The following VSTM4 variants were observed in gnomAD, a reference collection of about 807,000 sequenced individuals.
VSTM4 encodes V-set and transmembrane domain-containing protein 4.
A neutral mutation model predicts 36.4 loss-of-function variants in VSTM4; 20 were observed. The observed-to-expected ratio is 0.55, with a 90% CI of 0.39 to 0.80. The LOEUF is 0.80. VSTM4 is among the 30% of genes least tolerant of loss of function. The pLI is 0.00. For missense variants in VSTM4, 392 were observed against 404.5 expected, an observed-to-expected ratio of 0.97 and a Z score of 0.26; for synonymous variants, 182 against 173.9, an observed-to-expected ratio of 1.05 and a Z score of -0.37.
chr10:49,101,339 G>A lies in VSTM4; in HGVS notation c.457+6255C>T, dbSNP rs116411637. ...ACAGGAATAAAATTTTGTACCATAT[G>A]TAATAGCTAAAAAATTAATGATCAG... On this transcript the variant is annotated intron_variant, in intron 2 of 7. Transcript: ENST00000332853. Among the ~76,000 whole-genome samples the A allele has an allele frequency of 2.5e-3, 347 of 138,480 alleles. 1 individual carries two copies. Among genetic ancestry groups the A allele is most frequent in the African/African-American group, 8.7e-3 (321 of 36,968 alleles). 90.8% of individuals were successfully genotyped at this position (138,480 alleles called of 152,430 possible).
intron 2 of VSTM4, among the ~76,000 whole-genome samples, chr10:49,087,670 T>C (rs1383521942): frequency 6.6e-6 from 1 of 152,120 alleles, no homozygotes; most frequent in Non-Finnish European, 1.5e-5. Context: ...AATTTTTATC[T>C]CACTGTTAGA....
intron 7 of VSTM4, among the ~76,000 whole-genome samples, chr10:49,026,058 A>G (rs1418204728): frequency 2.0e-5 from 3 of 152,218 alleles, no homozygotes; most frequent in Non-Finnish European, 4.4e-5. Flanking sequence ...CTCCTTGCCC[A>G]GGGAAGCTAT....
intron 7 of VSTM4, among the ~76,000 whole-genome samples, chr10:49,041,274 TA>T (rs1403303284): frequency 6.6e-6 from 1 of 152,226 alleles, no homozygotes; most frequent in Non-Finnish European, 1.5e-5. Flanking sequence ...TGTGAATTGT[TA>T]TAGGTGTAAA....
intron 1 of VSTM4, among the ~76,000 whole-genome samples, chr10:49,111,224 G>T (rs771519309): frequency 7.9e-5 from 12 of 152,216 alleles, no homozygotes; most frequent in Non-Finnish European, 1.8e-4. Context: ...TGGCAAATGT[G>T]AGCCAGTTGG....
intron 4 of VSTM4, among the ~76,000 whole-genome samples, chr10:49,065,805 G>A (rs1337142470): frequency 1.3e-5 from 2 of 152,156 alleles, no homozygotes; most frequent in Non-Finnish European, 2.9e-5. Context: ...CATATGGGGT[G>A]ATCTGTTACG....
intron 2 of VSTM4, among the ~76,000 whole-genome samples, chr10:49,099,807 C>T (rs531511000): frequency 6.6e-6 from 1 of 152,312 alleles, no homozygotes; most frequent in South Asian, 2.1e-4. Context: ...GAGATTCTGT[C>T]CCTTTCATTC....
chr10:49,053,202 G>A (rs1034983148), intron 5 of VSTM4, among the ~76,000 whole-genome samples: 1 of 152,228 alleles, frequency 6.6e-6, no homozygotes, highest in African/African-American at 2.4e-5. Context: ...TTAGAGAGAA[G>A]TGCTATTTGT....
chr10:49,081,794 G>T (rs1844283164), intron 3 of VSTM4, among the ~76,000 whole-genome samples: 1 of 152,194 alleles, frequency 6.6e-6, no homozygotes, highest in Admixed American at 6.5e-5. Context: ...ACACACACAA[G>T]ACCGGTCATG....
chr10:49,105,843 A>G (rs768428423), intron 2 of VSTM4, among the ~76,000 whole-genome samples: 87 of 115,250 alleles, frequency 7.5e-4, no homozygotes, highest in Non-Finnish European at 1.3e-3. Flanking sequence ...GTGTGTGTGT[A>G]TATATATATA....
At chr10:49,098,638 T>A (rs530154249) in intron 2 of VSTM4, among the ~76,000 whole-genome samples, 1 of 152,352 alleles carries the variant, frequency 6.6e-6, no homozygotes, top group African/African-American at 2.4e-5. Flanking sequence ...TGGCATGAGC[T>A]GCAGTGCCTG....
rs1356203572 is a variant in VSTM4, at chr10:49,085,952, T to C, written c.526+3A>G. On this transcript the variant is annotated splice_donor_region_variant and intron_variant, in intron 3 of 7. Transcript: ENST00000332853. ...ATAAAAAAAAGAAATATACAAGCTT[T>C]ACCTTCAAAAAATGCCCAAGTCTCT... 1.9e-6 allele frequency: 3 copies of C among 1,576,720 alleles called. No homozygotes were observed. In the Admixed American group the frequency reaches 5.5e-5, roughly 29 times the overall value.
chr10:49,090,688 C>T (rs1024970419), intron 2 of VSTM4, among the ~76,000 whole-genome samples: 3 of 152,210 alleles, frequency 2.0e-5, no homozygotes, highest in African/African-American at 7.2e-5. Flanking sequence ...ACCACAGCCC[C>T]CCTCTGGGTG....
At chr10:49,042,594 C>T (rs1008553598) in intron 7 of VSTM4, among the ~76,000 whole-genome samples, 7 of 152,240 alleles carry the variant, frequency 4.6e-5, no homozygotes, top group Admixed American at 6.5e-5. Context: ...AGCTGTGTGA[C>T]CTTGGGTACA....
chr10:49,106,738 G>A (rs1418580958), intron 2 of VSTM4, among the ~76,000 whole-genome samples: 1 of 152,222 alleles, frequency 6.6e-6, no homozygotes, highest in Admixed American at 6.5e-5. Flanking sequence ...ACCTGGGTGG[G>A]AGGCTGAGCA....
At chr10:49,062,809 G>A (rs1208071508) in intron 5 of VSTM4, among the ~76,000 whole-genome samples, 1 of 151,940 alleles carries the variant, frequency 6.6e-6, no homozygotes, top group Non-Finnish European at 1.5e-5. Flanking sequence ...TTTTCTCTCT[G>A]TTGTTCAGAT....
intron 4 of VSTM4, among the ~76,000 whole-genome samples, chr10:49,067,236 A>C (rs1564580736): frequency 6.6e-6 from 1 of 152,272 alleles, no homozygotes; most frequent in Non-Finnish European, 1.5e-5. Flanking sequence ...AAATTATTTT[A>C]GGAACTATGC....
intron 7 of VSTM4, among the ~76,000 whole-genome samples, chr10:49,046,498 C>A (rs1409109185): frequency 6.6e-6 from 1 of 152,218 alleles, no homozygotes; most frequent in Non-Finnish European, 1.5e-5. Context: ...ATGTTAATTT[C>A]TTAGTTTGAC....
chr10:49,102,865 G>T, intron 2 of VSTM4: 2 of 566,272 alleles, frequency 3.5e-6, no homozygotes, highest in Non-Finnish European at 4.5e-6. Flanking sequence ...GTATATGATT[G>T]TGTTAGTCTG....
At chr10:49,096,209 C>T (rs1194402496) in intron 2 of VSTM4, among the ~76,000 whole-genome samples, 1 of 152,174 alleles carries the variant, frequency 6.6e-6, no homozygotes, top group East Asian at 1.9e-4. Context: ...CTAAAACTTG[C>T]AGTATCAGTT....
Sources: allele counts gnomAD v4.1 joint callset (sites outside exome capture counted in the v4.1 genomes callset), GRCh38; gene constraint gnomAD v4.1.1; transcripts MANE v1.5; gene names NCBI Gene and HGNC (gene_info 2026-07-23, HGNC 2026-07-21).